Variants in JAKMIP2 observed in about 807,000 individuals in gnomAD.
JAKMIP2 encodes janus kinase and microtubule interacting protein 2, also known as janus kinase and microtubule-interacting protein 2.
JAKMIP2 carries 25 observed loss-of-function variants against 115.0 expected under a neutral mutation model. That is an observed-to-expected ratio of 0.22 (90% CI 0.16 to 0.30). The LOEUF (loss-of-function observed/expected upper bound fraction) is 0.30, where lower values mean the gene tolerates loss of function less well. JAKMIP2 is among the 10% of genes least tolerant of loss of function. The pLI, the probability that JAKMIP2 is intolerant of heterozygous loss-of-function variation, is 1.00. For missense variants in JAKMIP2, 642 were observed against 957.6 expected (o/e 0.67, Z 4.35); for synonymous variants, 334 against 343.6 (o/e 0.97, Z 0.31).
At chr5:147,729,381 G>A (rs1753637332) in intron 1 of JAKMIP2, among the ~76,000 whole-genome samples, 1 of 152,106 alleles carries the variant, frequency 6.6e-6, no homozygotes, top group Admixed American at 6.5e-5. Flanking sequence ...GTAAACCCTG[G>A]GTGTGGGGCA....
At chr5:147,646,262 TA>T (rs1758125192) in intron 5 of JAKMIP2, among the ~76,000 whole-genome samples, 1 of 152,162 alleles carries the variant, frequency 6.6e-6, no homozygotes, top group African/African-American at 2.4e-5. Context: ...CATTTCATAT[TA>T]AAGGCCAAAA....
chr5:147,650,946 T>A (rs764757370), intron 3 of JAKMIP2, among the ~76,000 whole-genome samples: 1 of 152,160 alleles, frequency 6.6e-6, no homozygotes, highest in Non-Finnish European at 1.5e-5. Context: ...TTTGGGCAAA[T>A]GGGTATTCAG....
At chr5:147,745,650 A>G (rs1056986391) in intron 1 of JAKMIP2, among the ~76,000 whole-genome samples, 23 of 152,206 alleles carry the variant, frequency 1.5e-4, no homozygotes, top group African/African-American at 4.3e-4. Flanking sequence ...TGCAAAGAAT[A>G]GACTCTCATC....
At chr5:147,735,224 C>A (rs1247456719) in intron 1 of JAKMIP2, among the ~76,000 whole-genome samples, 1 of 152,110 alleles carries the variant, frequency 6.6e-6, no homozygotes, top group African/African-American at 2.4e-5. Flanking sequence ...GAAAGTGCAT[C>A]GTGTGAAATT....
chr5:147,700,702 G>A (rs1752291514), intron 1 of JAKMIP2, among the ~76,000 whole-genome samples: 1 of 152,166 alleles, frequency 6.6e-6, no homozygotes, highest in South Asian at 2.1e-4. Flanking sequence ...GCCATAGCCA[G>A]GAATTAGCAA....
chr5:147,663,897 T>C (rs899319416), intron 2 of JAKMIP2, among the ~76,000 whole-genome samples: 1 of 152,150 alleles, frequency 6.6e-6, no homozygotes, highest in Non-Finnish European at 1.5e-5. Context: ...CTTGTGCTTG[T>C]CCTATGTGGC....
At chr5:147,610,294 G>A (rs1247088628) in intron 20 of JAKMIP2, among the ~76,000 whole-genome samples, 1 of 152,168 alleles carries the variant, frequency 6.6e-6, no homozygotes, top group African/African-American at 2.4e-5. Flanking sequence ...CAGCCTTTTT[G>A]TGCTGGTTTT....
intron 1 of JAKMIP2, among the ~76,000 whole-genome samples, chr5:147,776,442 T>C (rs1271900968): frequency 6.6e-6 from 1 of 152,174 alleles, no homozygotes; most frequent in Non-Finnish European, 1.5e-5. Flanking sequence ...TCTTCTGCCA[T>C]GATTGTAAGT....
intron 1 of JAKMIP2, among the ~76,000 whole-genome samples, chr5:147,688,846 G>A (rs1760697662): frequency 6.6e-6 from 1 of 152,144 alleles, no homozygotes; most frequent in African/African-American, 2.4e-5. Flanking sequence ...CACTGTACTT[G>A]GTATGGAAGA....
chr5:147,690,169 G>A (rs908509826), intron 1 of JAKMIP2, among the ~76,000 whole-genome samples: 1 of 151,954 alleles, frequency 6.6e-6, no homozygotes, highest in African/African-American at 2.4e-5. Flanking sequence ...AGGCAACATT[G>A]TGAAACCCTG....
intron 1 of JAKMIP2, among the ~76,000 whole-genome samples, chr5:147,688,681 A>T (rs966203775): frequency 6.6e-6 from 1 of 152,158 alleles, no homozygotes; most frequent in Admixed American, 6.5e-5. Context: ...CATTCTCTCA[A>T]CCGCATCACT....
intron 12 of JAKMIP2, among the ~76,000 whole-genome samples, chr5:147,635,620 T>G (rs60574061): frequency 6.6e-6 from 1 of 152,108 alleles, no homozygotes; most frequent in Non-Finnish European, 1.5e-5. Flanking sequence ...GGAGTGCAAT[T>G]GCGCAATCTC....
chr5:147,689,226 G>C (rs1008797202), intron 1 of JAKMIP2, among the ~76,000 whole-genome samples: 3 of 152,128 alleles, frequency 2.0e-5, no homozygotes, highest in Non-Finnish European at 2.9e-5. Flanking sequence ...GCCAAAGAGA[G>C]GGCAGACAGT....
At chr5:147,761,504 C>T (rs1178334692) in intron 1 of JAKMIP2, among the ~76,000 whole-genome samples, 1 of 152,080 alleles carries the variant, frequency 6.6e-6, no homozygotes, top group Non-Finnish European at 1.5e-5. Flanking sequence ...ACTCCTTGCC[C>T]TTAACCTCTC....
intron 16 of JAKMIP2, among the ~76,000 whole-genome samples, chr5:147,624,827 G>T (rs1383590490): frequency 6.6e-6 from 1 of 151,974 alleles, no homozygotes; most frequent in Non-Finnish European, 1.5e-5. Context: ...GGCATGGAAA[G>T]GTTACCTGAT....
chr5:147,609,438 T>C (rs1003754502), intron 20 of JAKMIP2, among the ~76,000 whole-genome samples: 1 of 152,160 alleles, frequency 6.6e-6, no homozygotes, highest in African/African-American at 2.4e-5. Context: ...TTATGAAGCT[T>C]AGTTTGGCTG....
intron 1 of JAKMIP2, among the ~76,000 whole-genome samples, chr5:147,778,202 C>A (rs954485099): frequency 1.3e-5 from 2 of 152,086 alleles, no homozygotes; most frequent in Non-Finnish European, 2.9e-5. Flanking sequence ...CTGATTTTCA[C>A]CCAAACAAAT....
rs773456226 is a variant in JAKMIP2, at chr5:147,588,617, T to G, written c.*3090A>C. 1 of 152,138 alleles carries G rather than the reference T, an allele frequency of 6.6e-6. No homozygotes were observed. Among genetic ancestry groups the G allele is most frequent in the Admixed American group, 6.5e-5 (1 of 15,274 alleles). 9.4% of individuals were successfully genotyped at this position (152,138 alleles called of 1,614,324 possible). A position where few individuals can be genotyped will look rare whatever the true frequency, so the allele number is the denominator to read the frequency against. Reference sequence around the variant, plus strand: ...AAGGATATATTCATTTTGAGGCTCATGAGCAAGAGTTGGTAAAAATTACAG... The same window carrying G: ...AAGGATATATTCATTTTGAGGCTCAGGAGCAAGAGTTGGTAAAAATTACAG... On this transcript the variant is annotated 3_prime_UTR_variant, in exon 22 of 22. Coordinates refer to ENST00000616793, the MANE Select transcript of JAKMIP2 (RefSeq NM_001270941.2).
At chr5:147,634,654 C>T (rs1234174343) in intron 12 of JAKMIP2, among the ~76,000 whole-genome samples, 2 of 152,148 alleles carry the variant, frequency 1.3e-5, no homozygotes, top group African/African-American at 2.4e-5. Context: ...GTCGCTTAAC[C>T]TTCCTGAAAG....
Sources: gnomAD v4.1 joint callset for allele counts (sites outside exome capture counted in the v4.1 genomes callset) on GRCh38, gnomAD v4.1.1 for gene constraint, MANE v1.5 for transcripts, NCBI Gene and HGNC (gene_info 2026-07-23, HGNC 2026-07-21) for gene names.